Variants in KLF13 observed in about 807,000 individuals in gnomAD.
KLF13 encodes KLF transcription factor 13.
In KLF13, 8 loss-of-function variants were observed where a neutral mutation model predicts 16.7. The observed-to-expected ratio is 0.48, with a 90% CI of 0.28 to 0.87. The LOEUF is 0.87. KLF13 is among the 40% of genes least tolerant of loss of function. The pLI, the probability that KLF13 is intolerant of heterozygous loss-of-function variation, is 0.10. For synonymous variants in KLF13, 245 were observed against 208.4 expected, an observed-to-expected ratio of 1.18 and a Z score of -1.51; for missense variants, 447 against 452.2, an observed-to-expected ratio of 0.99 and a Z score of 0.10.
intron 2 of KLF13, among the ~76,000 whole-genome samples, chr15:31,396,298 C>T (rs758071951): frequency 2.0e-5 from 3 of 152,306 alleles, no homozygotes; most frequent in South Asian, 4.1e-4. Flanking sequence ...GCTGGGATTA[C>T]AGGCATGAGC....
At chr15:31,392,373 G>T (rs1381952930), upstream of KLF13, among the ~76,000 whole-genome samples, 3 of 152,230 alleles carry the variant, frequency 2.0e-5, no homozygotes, top group Non-Finnish European at 4.4e-5. Context: ...GGGCTGGGGC[G>T]CCGAGTCACG....
downstream of KLF13, among the ~76,000 whole-genome samples, chr15:31,378,822 C>T (rs1165210732): frequency 6.6e-6 from 1 of 152,184 alleles, no homozygotes; most frequent in Admixed American, 6.5e-5. Flanking sequence ...CAGGTTCGAA[C>T]GATTCTTCTG....
intron 1 of KLF13, among the ~76,000 whole-genome samples, chr15:31,423,738 A>G (rs2040371345): frequency 6.6e-6 from 1 of 152,234 alleles, no homozygotes; most frequent in South Asian, 2.1e-4. Context: ...CACATGGAAC[A>G]TTCTTCAGGA....
chr15:31,423,132 C>T (rs71399745), intron 1 of KLF13, among the ~76,000 whole-genome samples: 6,260 of 50,126 alleles, frequency 0.12, 933 homozygotes, highest in East Asian at 0.17. Flanking sequence ...CGTATATATA[C>T]GTATACGTAT....
At chr15:31,330,347 C>G (rs1038520637) in intron 1 of KLF13, among the ~76,000 whole-genome samples, 1 of 152,192 alleles carries the variant, frequency 6.6e-6, no homozygotes, top group Non-Finnish European at 1.5e-5. Context: ...GCCCCCGCCC[C>G]ACTTCCCGCA....
At chr15:31,411,838 G>A (rs918282428) in intron 1 of KLF13, among the ~76,000 whole-genome samples, 2 of 151,972 alleles carry the variant, frequency 1.3e-5, no homozygotes, top group African/African-American at 4.8e-5. Context: ...AAATAAATAG[G>A]ACATTTCTTT....
intron 1 of KLF13, among the ~76,000 whole-genome samples, chr15:31,341,117 C>G (rs1445699468): frequency 1.3e-5 from 2 of 152,158 alleles, no homozygotes; most frequent in Admixed American, 6.5e-5. Flanking sequence ...TTGGGAGGCT[C>G]TCAGTGTTTT....
intron 1 of KLF13, among the ~76,000 whole-genome samples, chr15:31,340,276 G>A (rs532634154): frequency 2.9e-4 from 44 of 152,392 alleles, no homozygotes; most frequent in Middle Eastern, 6.8e-3. Context: ...AGCAGCTGTG[G>A]CAGTTGCCAA....
rs150667227 is a variant in KLF13, at chr15:31,368,297, A to G, written c.578-3713A>G. ...CTGAACCTCATCTGTCAGACCTGAC[A>G]TGGTTAATGCTAAACCATTTAATGC... On this transcript the variant is annotated intron_variant, in intron 1 of 1. Coordinates refer to ENST00000307145, the MANE Select transcript of KLF13 (RefSeq NM_015995.4). Among the ~76,000 whole-genome samples, 62 of 152,332 alleles carry G rather than the reference A, an allele frequency of 4.1e-4. No individual in the cohort carries two copies. In the East Asian group the frequency reaches 0.011, roughly 28 times the overall value.
chr15:31,384,024 C>T (rs2039765389), intron 1 of KLF13, among the ~76,000 whole-genome samples: 1 of 152,176 alleles, frequency 6.6e-6, no homozygotes, highest in Non-Finnish European at 1.5e-5. Flanking sequence ...GACTAATACC[C>T]AATCTATTAT....
At chr15:31,341,540 T>TTC (rs202106620) in intron 1 of KLF13, among the ~76,000 whole-genome samples, 3,892 of 149,016 alleles carry the variant, frequency 0.026, 73 homozygotes, top group Non-Finnish European at 0.039. Context: ...TTCAGAACTT[T>TTC]TTTTTTTTTT....
At chr15:31,371,841 G>A (rs1041479945) in intron 1 of KLF13, among the ~76,000 whole-genome samples, 169 bp from the exon 2 acceptor site, 4 of 152,216 alleles carry the variant, frequency 2.6e-5, no homozygotes, top group African/African-American at 9.6e-5. Flanking sequence ...GAGGGCAGGG[G>A]CCCACCTTCA....
At chr15:31,388,488 C>A (rs2039818844), upstream of KLF13, among the ~76,000 whole-genome samples, 1 of 151,478 alleles carries the variant, frequency 6.6e-6, no homozygotes, top group Non-Finnish European at 1.5e-5. Context: ...GTGGTGCGTG[C>A]CTATAATCCC....
At chr15:31,382,356 G>A (rs1299839255), downstream of KLF13, among the ~76,000 whole-genome samples, 2 of 152,202 alleles carry the variant, frequency 1.3e-5, no homozygotes, top group Non-Finnish European at 2.9e-5. Context: ...GAGGGTACGA[G>A]GCTCAGAGGG....
chr15:31,388,586 CA>C (rs1236828871), upstream of KLF13, among the ~76,000 whole-genome samples: 1 of 123,308 alleles, frequency 8.1e-6, no homozygotes, highest in Non-Finnish European at 1.6e-5. Context: ...GCCTGAGTGA[CA>C]AGAGCGAAAC....
intron 1 of KLF13, among the ~76,000 whole-genome samples, chr15:31,361,076 G>A (rs180846029): frequency 6.7e-4 from 102 of 152,340 alleles, no homozygotes; most frequent in African/African-American, 2.1e-3. Context: ...GGACCGTGGA[G>A]GTCCCCCACA....
downstream of KLF13, among the ~76,000 whole-genome samples, chr15:31,405,964 T>G (rs993025694): frequency 6.6e-6 from 1 of 152,102 alleles, no homozygotes; most frequent in Non-Finnish European, 1.5e-5. Flanking sequence ...TTTGAGGAGA[T>G]GTTGCATCCA....
intron 2 of KLF13, among the ~76,000 whole-genome samples, chr15:31,397,376 C>G (rs563344598): frequency 6.6e-6 from 1 of 152,258 alleles, no homozygotes; most frequent in African/African-American, 2.4e-5. Flanking sequence ...CCGCCGACCC[C>G]GCCCATTGCC....
At chr15:31,344,973 G>A (rs1436057914) in intron 1 of KLF13, among the ~76,000 whole-genome samples, 1 of 152,204 alleles carries the variant, frequency 6.6e-6, no homozygotes, top group Non-Finnish European at 1.5e-5. Flanking sequence ...AACCCTGGGG[G>A]CTGGCCAGGG....
Sources: allele counts gnomAD v4.1 joint callset (sites outside exome capture counted in the v4.1 genomes callset), GRCh38; gene constraint gnomAD v4.1.1; transcripts MANE v1.5; gene names NCBI Gene and HGNC (gene_info 2026-07-23, HGNC 2026-07-21).